Variants in ADCY5 observed in about 807,000 individuals in gnomAD.
ADCY5 encodes adenylate cyclase 5, also known as adenylate cyclase type 5.
ADCY5 carries 30 observed loss-of-function variants against 119.7 expected under a neutral mutation model. The observed-to-expected ratio is 0.25, with a 90% CI of 0.19 to 0.34. The LOEUF (loss-of-function observed/expected upper bound fraction) is 0.34, where lower values mean the gene tolerates loss of function less well. Among genes scored for constraint, ADCY5 ranks in the 10% least tolerant of loss-of-function variants. ADCY5 has a pLI of 1.00. For missense variants in ADCY5, 1,324 were observed against 1,775.2 expected (o/e 0.75, Z 4.57); for synonymous variants, 753 against 762.2 (o/e 0.99, Z 0.20).
chr3:123,296,915 C>A, intron 16 of ADCY5: 1 of 1,416,638 alleles, frequency 7.1e-7, no homozygotes, highest in Non-Finnish European at 9.5e-7. Context: ...CAGTGACCCC[C>A]CGCCCCTTGC....
chr3:123,446,194 GA>G (rs1172197099), intron 1 of ADCY5, among the ~76,000 whole-genome samples: 2 of 152,156 alleles, frequency 1.3e-5, no homozygotes, highest in Non-Finnish European at 2.9e-5. Flanking sequence ...ATTCTCTATG[GA>G]AGAATACTAT....
At chr3:123,402,926 T>C (rs1944810048) in intron 1 of ADCY5, among the ~76,000 whole-genome samples, 1 of 151,886 alleles carries the variant, frequency 6.6e-6, no homozygotes, top group African/African-American at 2.4e-5. Flanking sequence ...TGTATTTATG[T>C]TATATTTATT....
At chr3:123,343,135 A>C (rs1942368224) in intron 3 of ADCY5, among the ~76,000 whole-genome samples, 1 of 152,216 alleles carries the variant, frequency 6.6e-6, no homozygotes, top group East Asian at 1.9e-4. Flanking sequence ...ACTAAACCCT[A>C]GCTCCCACAA....
At chr3:123,309,142 G>A (rs1324904469) in intron 12 of ADCY5, among the ~76,000 whole-genome samples, 1 of 152,204 alleles carries the variant, frequency 6.6e-6, no homozygotes, top group Non-Finnish European at 1.5e-5. Flanking sequence ...GCCTCTTTGA[G>A]TGTCTCCAGG....
At chr3:123,423,071 G>A (rs1008997891) in intron 1 of ADCY5, among the ~76,000 whole-genome samples, 10 of 152,106 alleles carry the variant, frequency 6.6e-5, no homozygotes, top group Non-Finnish European at 1.0e-4. Flanking sequence ...CCCTGGCCCC[G>A]GGCTCAGGAG....
intron 19 of ADCY5, among the ~76,000 whole-genome samples, chr3:123,289,483 G>A (rs567484891): frequency 2.0e-5 from 3 of 152,368 alleles, no homozygotes; most frequent in Non-Finnish European, 2.9e-5. Context: ...AGTGAGGTGG[G>A]AACTCACCAA....
chr3:123,437,767 G>A (rs931477591), intron 1 of ADCY5, among the ~76,000 whole-genome samples: 4 of 152,142 alleles, frequency 2.6e-5, no homozygotes, highest in South Asian at 2.1e-4. Context: ...GGGCAGCCAC[G>A]CACTCAGTGC....
chr3:123,342,809 C>T (rs1942354008), intron 3 of ADCY5, among the ~76,000 whole-genome samples: 1 of 152,218 alleles, frequency 6.6e-6, no homozygotes, highest in South Asian at 2.1e-4. Flanking sequence ...TCCTTCAGAG[C>T]CCTCTCAGGC....
chr3:123,309,561 C>G (rs578240782), intron 12 of ADCY5, among the ~76,000 whole-genome samples: 25 of 152,326 alleles, frequency 1.6e-4, no homozygotes, highest in African/African-American at 5.5e-4. Flanking sequence ...ATCTGCAAAG[C>G]AGACTCAATA....
intron 1 of ADCY5, among the ~76,000 whole-genome samples, chr3:123,366,410 AT>A (rs1943438821): frequency 6.6e-6 from 1 of 152,208 alleles, no homozygotes; most frequent in Non-Finnish European, 1.5e-5. Flanking sequence ...GCTCAGATTC[AT>A]CTGCCAAGCT....
intron 1 of ADCY5, among the ~76,000 whole-genome samples, chr3:123,371,258 G>A (rs954207961): frequency 6.6e-6 from 1 of 152,202 alleles, no homozygotes; most frequent in African/African-American, 2.4e-5. Flanking sequence ...CTTAACCTTA[G>A]TAAACCTCAG....
chr3:123,366,810 T>C (rs1207844823), intron 1 of ADCY5, among the ~76,000 whole-genome samples: 1 of 152,154 alleles, frequency 6.6e-6, no homozygotes, highest in Non-Finnish European at 1.5e-5. Flanking sequence ...AAGTCACCTT[T>C]CCTGTGGGAA....
At chr3:123,289,703 C>A in intron 19 of ADCY5, 47 bp downstream of exon 19, 1 of 1,601,590 alleles carries the variant, frequency 6.2e-7, no homozygotes, top group Non-Finnish European at 8.5e-7. Flanking sequence ...TGCCAGCCCT[C>A]TGCCTGACTG....
At chr3:123,357,428 G>A (rs747646790) in intron 1 of ADCY5, among the ~76,000 whole-genome samples, 5 of 152,066 alleles carry the variant, frequency 3.3e-5, no homozygotes, top group Non-Finnish European at 5.9e-5. Flanking sequence ...CTAATCCTCC[G>A]GGTCTCTCCT....
At chr3:123,322,011 C>G (rs988869365) in intron 8 of ADCY5, among the ~76,000 whole-genome samples, 21 of 152,226 alleles carry the variant, frequency 1.4e-4, no homozygotes, top group Non-Finnish European at 1.5e-4. Flanking sequence ...TGGCCAGGCC[C>G]TCCCTCCAGG....
rs1028787888 is a variant in ADCY5 at position 123,392,786 on chromosome 3, C to T, written c.1135-40205G>A. 4.6e-5 allele frequency among the ~76,000 whole-genome samples: 7 copies of T among 152,260 alleles called. No homozygotes were observed. In the East Asian group the frequency reaches 1.2e-3, roughly 25 times the overall value. On this transcript the variant is annotated intron_variant, in intron 1 of 20. Coordinates refer to ENST00000462833, the MANE Select transcript of ADCY5 (RefSeq NM_183357.3). ...CACCACCACCTCCCTCTCTTGCACG[C>T]TATACCTCCAGGCCTCACTAAAGAC...
chr3:123,434,650 AG>A (rs1945576458), intron 1 of ADCY5, among the ~76,000 whole-genome samples: 2 of 152,220 alleles, frequency 1.3e-5, no homozygotes, highest in Admixed American at 6.5e-5. Context: ...TGTCTAGTCC[AG>A]GTCTCAACCC....
At chr3:123,298,284 T>C (rs1458833618) in intron 15 of ADCY5, among the ~76,000 whole-genome samples, 1 of 152,158 alleles carries the variant, frequency 6.6e-6, no homozygotes, top group Non-Finnish European at 1.5e-5. Flanking sequence ...CCCGGCCCAC[T>C]TTTTATCTAT....
At chr3:123,385,612 T>G (rs1944196651) in intron 1 of ADCY5, among the ~76,000 whole-genome samples, 1 of 152,054 alleles carries the variant, frequency 6.6e-6, no homozygotes, top group Non-Finnish European at 1.5e-5. Context: ...CCAGAACTCC[T>G]GCATGGGGAC....
Sources: allele counts gnomAD v4.1 joint callset (sites outside exome capture counted in the v4.1 genomes callset), GRCh38; gene constraint gnomAD v4.1.1; transcripts MANE v1.5; gene names NCBI Gene and HGNC (gene_info 2026-07-23, HGNC 2026-07-21).